The following MALT1 variants were observed in gnomAD, a reference collection of about 807,000 sequenced individuals.
MALT1 encodes mucosa-associated lymphoid tissue lymphoma translocation protein 1.
MALT1 carries 36 observed loss-of-function variants against 85.5 expected under a neutral mutation model. The ratio of observed to expected loss-of-function variants is 0.42; its 90% CI spans 0.32 to 0.56. The LOEUF (loss-of-function observed/expected upper bound fraction) is 0.56. Ranked by LOEUF, MALT1 falls within the 20% of genes least tolerant of loss-of-function variation. The pLI is 0.10. For missense variants in MALT1, 716 were observed against 981.6 expected (o/e 0.73, Z 3.62); for synonymous variants, 359 against 361.3 (o/e 0.99, Z 0.07).
At chr18:58,723,394 C>T (rs778240574) in intron 10 of MALT1, 143 bp downstream of exon 10, 4 of 559,954 alleles carry the variant, frequency 7.1e-6, no homozygotes, top group East Asian at 3.0e-5. Flanking sequence ...TAAGATGATA[C>T]ATTTGATCTT....
chr18:58,696,705 A>G (rs1478176428), intron 3 of MALT1, among the ~76,000 whole-genome samples: 12 of 152,134 alleles, frequency 7.9e-5, no homozygotes, highest in Non-Finnish European at 1.2e-4. Context: ...TTAGTTCTCC[A>G]CTCTAAAAAT....
chr18:58,696,337 A>ATTTTTTTTT, intron 2 of MALT1, 29 bp from the exon 3 acceptor site: 1 of 990,750 alleles, frequency 1.0e-6, no homozygotes, highest in Admixed American at 4.8e-5. Flanking sequence ...TGTGACTTTA[A>ATTTTTTTTT]TTTTTTTTTT....
At chr18:58,695,328 C>T (rs955076671) in intron 2 of MALT1, among the ~76,000 whole-genome samples, 21 of 152,150 alleles carry the variant, frequency 1.4e-4, no homozygotes, top group African/African-American at 3.6e-4. Context: ...TTCCCTGGGG[C>T]GAGTGAGTGA....
chr18:58,735,162 C>T lies in MALT1; in HGVS notation c.1476-40C>T, dbSNP rs766903788. 7.0e-6 allele frequency: 11 copies of T among 1,564,228 alleles called. No homozygotes were observed. In the African/African-American group the frequency reaches 1.5e-4, roughly 21 times the overall value. Reference sequence around the variant, plus strand: ...TATAAGTGAGAACATACAGTATTTGCCTTTCTGTGCCTGGCTTAACTTCTT... The same window carrying T: ...TATAAGTGAGAACATACAGTATTTGTCTTTCTGTGCCTGGCTTAACTTCTT... On this transcript the variant is annotated intron_variant, in intron 12 of 16. Coordinates refer to ENST00000649217, the MANE Select transcript of MALT1 (RefSeq NM_006785.4).
At chr18:58,736,495 A>G (rs1365732222) in intron 13 of MALT1, among the ~76,000 whole-genome samples, 1 of 152,200 alleles carries the variant, frequency 6.6e-6, no homozygotes, top group African/African-American at 2.4e-5. Context: ...GTTATATTCA[A>G]ACTGAGATCC....
At chr18:58,690,150 A>G (rs2054474536) in intron 2 of MALT1, among the ~76,000 whole-genome samples, 1 of 152,240 alleles carries the variant, frequency 6.6e-6, no homozygotes, top group African/African-American at 2.4e-5. Flanking sequence ...GCATGTGCCT[A>G]CTTCATATCT....
intron 14 of MALT1, among the ~76,000 whole-genome samples, chr18:58,742,412 G>A (rs2055313498): frequency 6.6e-6 from 1 of 152,042 alleles, no homozygotes; most frequent in Non-Finnish European, 1.5e-5. Context: ...AATAAGAAAT[G>A]GTACCTGCTT....
chr18:58,702,642 C>T (rs1005334009), intron 4 of MALT1, among the ~76,000 whole-genome samples: 1 of 152,210 alleles, frequency 6.6e-6, no homozygotes, highest in African/African-American at 2.4e-5. Context: ...TCTTGCTGCT[C>T]ACTTTTCAAT....
In MALT1 at chr18:58,702,691, A is replaced by G. The variant is rs535564095; in HGVS notation, c.649+2100A>G. Among the ~76,000 whole-genome samples the G allele has an allele frequency of 9.2e-5, 14 of 152,252 alleles. No homozygotes were observed. In the South Asian group the frequency reaches 2.9e-3, roughly 32 times the overall value. The stretch of plus-strand genomic sequence containing the variant: ...GCGTATTTTTCTCCCAAACTATTGT[A>G]TTGCTCCTAAAAAATGATCTTGTGG... On this transcript the variant is annotated intron_variant, in intron 4 of 16. Coordinates refer to ENST00000649217, the MANE Select transcript of MALT1 (RefSeq NM_006785.4).
chr18:58,702,337 TCA>T (rs1232967161), intron 4 of MALT1, among the ~76,000 whole-genome samples: 1 of 151,530 alleles, frequency 6.6e-6, no homozygotes, highest in African/African-American at 2.4e-5. Context: ...TGAGCTGGGA[TCA>T]CACCAGTGCA....
intron 2 of MALT1, among the ~76,000 whole-genome samples, chr18:58,689,865 G>A (rs2144332970): frequency 6.6e-6 from 1 of 152,346 alleles, no homozygotes; most frequent in East Asian, 1.9e-4. Flanking sequence ...GGACTGGTAA[G>A]TGGAAAGGCA....
chr18:58,736,665 A>T (rs1283409135), intron 13 of MALT1, among the ~76,000 whole-genome samples: 1 of 152,178 alleles, frequency 6.6e-6, no homozygotes, highest in Non-Finnish European at 1.5e-5. Context: ...TGCTGTGAGG[A>T]TATTTGAACT....
chr18:58,734,916 T>C (rs1263928665), intron 12 of MALT1, among the ~76,000 whole-genome samples: 1 of 152,248 alleles, frequency 6.6e-6, no homozygotes, highest in Non-Finnish European at 1.5e-5. Flanking sequence ...TATAATTGTA[T>C]GTATTTATGG....
intron 10 of MALT1, among the ~76,000 whole-genome samples, chr18:58,727,549 C>G (rs574594600): frequency 6.6e-6 from 1 of 151,872 alleles, no homozygotes; most frequent in East Asian, 1.9e-4. Flanking sequence ...CCTTGTGATC[C>G]ACCCACCTTG....
chr18:58,671,903 T>C, intron 1 of MALT1, 51 bp downstream of exon 1: 8 of 1,132,688 alleles, frequency 7.1e-6, no homozygotes, highest in Non-Finnish European at 6.6e-6. Flanking sequence ...CGGGGTGGGC[T>C]GCGGTGGGGA....
At chr18:58,678,211 G>A (rs941795371) in intron 1 of MALT1, among the ~76,000 whole-genome samples, 9 of 152,150 alleles carry the variant, frequency 5.9e-5, no homozygotes, top group African/African-American at 2.2e-4. Context: ...TTGGGTAACA[G>A]TATAAATGCT....
chr18:58,692,729 A>C (rs1031996568), intron 2 of MALT1, among the ~76,000 whole-genome samples: 2 of 152,238 alleles, frequency 1.3e-5, no homozygotes, highest in African/African-American at 4.8e-5. Flanking sequence ...TGAGGAAGGC[A>C]TATCAAAAGC....
In MALT1 at chr18:58,753,539, G is replaced by T. The variant is rs1191490512; in HGVS notation, c.*5697G>T. On this transcript the variant is annotated 3_prime_UTR_variant, in exon 17 of 17. Coordinates refer to ENST00000649217, the MANE Select transcript of MALT1 (RefSeq NM_006785.4). ...TATATCTTCTAAAGTTGCAATTTTT[G>T]TTCACTCCAGAATCACTTTTCAAAA... is the stretch of plus-strand genomic sequence containing the variant. 3.3e-5 allele frequency: 5 copies of T among 152,100 alleles called. No homozygotes were observed. The highest frequency in any genetic ancestry group is 2.0e-4 in the Admixed American group (3 of 15,266). 9.4% of individuals were successfully genotyped at this position (152,100 alleles called of 1,614,324 possible).
intron 1 of MALT1, 149 bp downstream of exon 1, chr18:58,672,001 G>A (rs1290821316): frequency 4.3e-6 from 2 of 460,034 alleles, no homozygotes; most frequent in Non-Finnish European, 6.8e-6. Flanking sequence ...CATTGAGGCG[G>A]AGCGGAACTC....
Sources: allele counts gnomAD v4.1 joint callset (sites outside exome capture counted in the v4.1 genomes callset), GRCh38; gene constraint gnomAD v4.1.1; transcripts MANE v1.5; gene names NCBI Gene and HGNC (gene_info 2026-07-23, HGNC 2026-07-21).